The following SATB1 variants were observed in gnomAD, a reference collection of about 807,000 sequenced individuals.
The protein encoded by SATB1 is DNA-binding protein SATB1.
A neutral mutation model predicts 86.9 loss-of-function variants in SATB1; 11 were observed. That is an observed-to-expected ratio of 0.13 (90% confidence interval 0.08 to 0.21). The LOEUF is 0.21. SATB1 is among the 10% of genes least tolerant of loss of function. The pLI is 1.00. For synonymous variants in SATB1, 357 were observed against 357.2 expected (o/e 1.00, Z 0.01); for missense variants, 551 against 937.6 (o/e 0.59, Z 5.39).
chr3:18,413,714 C>CG (rs1697982606), intron 5 of SATB1, among the ~76,000 whole-genome samples: 1 of 151,940 alleles, frequency 6.6e-6, no homozygotes, highest in Non-Finnish European at 1.5e-5. Flanking sequence ...GTAGGTATAA[C>CG]TGAAATGACA....
At chr3:18,381,673 G>A (rs1270058669) in intron 8 of SATB1, among the ~76,000 whole-genome samples, 1 of 152,004 alleles carries the variant, frequency 6.6e-6, no homozygotes, top group Non-Finnish European at 1.5e-5. Flanking sequence ...GTGGCCCTTT[G>A]ATAAATCTAG....
chr3:18,415,860 A>T, intron 4 of SATB1, 147 bp downstream of exon 4: 1 of 571,862 alleles, frequency 1.7e-6, no homozygotes, highest in Non-Finnish European at 2.8e-6. Context: ...GAAAAAAGGC[A>T]GAAGGATAGG....
chr3:18,434,247 T>C (rs900675368), intron 2 of SATB1, among the ~76,000 whole-genome samples: 2 of 152,106 alleles, frequency 1.3e-5, no homozygotes, highest in Admixed American at 6.5e-5. Context: ...ACTAAAAATT[T>C]ACAACACTGC....
intron 9 of SATB1, among the ~76,000 whole-genome samples, chr3:18,366,375 A>G (rs906854498): frequency 6.6e-6 from 1 of 151,984 alleles, no homozygotes; most frequent in African/African-American, 2.4e-5. Context: ...GAGTATTCTC[A>G]CATTGCCCTG....
chr3:18,397,692 C>A (rs1043655473), intron 5 of SATB1, among the ~76,000 whole-genome samples: 4 of 152,178 alleles, frequency 2.6e-5, no homozygotes, highest in Non-Finnish European at 4.4e-5. Flanking sequence ...CTTTTCTACT[C>A]AAAGTATAGA....
chr3:18,435,443 T>C (rs944091748), intron 2 of SATB1, among the ~76,000 whole-genome samples: 2 of 152,192 alleles, frequency 1.3e-5, no homozygotes, highest in African/African-American at 4.8e-5. Flanking sequence ...CGGCTCCTTT[T>C]GTAATTCTCC....
chr3:18,366,064 T>G (rs1240894825), intron 9 of SATB1, among the ~76,000 whole-genome samples: 2 of 152,160 alleles, frequency 1.3e-5, no homozygotes, highest in Non-Finnish European at 2.9e-5. Context: ...TGCATTTCAT[T>G]TAAACAACCA....
chr3:18,385,009 A>C (rs1355603784), intron 8 of SATB1, among the ~76,000 whole-genome samples: 2 of 152,220 alleles, frequency 1.3e-5, no homozygotes, highest in African/African-American at 2.4e-5. Flanking sequence ...ATTTTGTGAC[A>C]TTTCTAAAAA....
intron 9 of SATB1, among the ~76,000 whole-genome samples, chr3:18,355,043 C>T (rs1380346338): frequency 6.6e-6 from 1 of 152,082 alleles, no homozygotes; most frequent in African/African-American, 2.4e-5. Flanking sequence ...AAGCATGTCT[C>T]CGCTAGCCTT....
chr3:18,387,777 C>T (rs948727112), intron 7 of SATB1, among the ~76,000 whole-genome samples: 2 of 152,042 alleles, frequency 1.3e-5, no homozygotes, highest in African/African-American at 4.8e-5. Flanking sequence ...CCTGCAGAAA[C>T]AGTTAAAGGT....
At chr3:18,440,826 A>T (rs1049033340), upstream of SATB1, among the ~76,000 whole-genome samples, 1 of 152,208 alleles carries the variant, frequency 6.6e-6, no homozygotes, top group African/African-American at 2.4e-5. Flanking sequence ...TTGAAAAGCA[A>T]GAGTAATGAC....
intron 5 of SATB1, among the ~76,000 whole-genome samples, chr3:18,414,152 T>C (rs1229668488): frequency 3.3e-5 from 5 of 152,124 alleles, no homozygotes; most frequent in Middle Eastern, 3.4e-3. Flanking sequence ...AAAGAAAACA[T>C]TAAAAATCTG....
intron 9 of SATB1, among the ~76,000 whole-genome samples, chr3:18,361,435 G>C (rs1694902121): frequency 6.6e-6 from 1 of 152,070 alleles, no homozygotes; most frequent in Non-Finnish European, 1.5e-5. Flanking sequence ...CAAGGGATTT[G>C]AATATCAAGG....
intron 8 of SATB1, among the ~76,000 whole-genome samples, chr3:18,380,448 T>TA (rs56786987): frequency 4.6e-5 from 7 of 152,200 alleles, no homozygotes; most frequent in Non-Finnish European, 8.8e-5. Flanking sequence ...TTTTTTTTTT[T>TA]ATTTTAAAGC....
intron 9 of SATB1, among the ~76,000 whole-genome samples, chr3:18,356,681 C>A (rs571889911): frequency 6.6e-6 from 1 of 151,892 alleles, no homozygotes; most frequent in Non-Finnish European, 1.5e-5. Flanking sequence ...TCCAACCAAA[C>A]TCAATCTCTG....
chr3:18,418,436 C>T (rs1698226761), intron 2 of SATB1, among the ~76,000 whole-genome samples: 1 of 152,122 alleles, frequency 6.6e-6, no homozygotes, highest in Admixed American at 6.6e-5. Context: ...TGACAAAACC[C>T]TTTAGGTTTA....
At chr3:18,367,161 A>G (rs1403131344) in intron 9 of SATB1, among the ~76,000 whole-genome samples, 6 of 152,218 alleles carry the variant, frequency 3.9e-5, no homozygotes, top group Non-Finnish European at 8.8e-5. Flanking sequence ...GCAGTTCCCA[A>G]TGTTTTCCAT....
chr3:18,372,649 CAAAAG>C (rs1482807578), intron 9 of SATB1, among the ~76,000 whole-genome samples: 1 of 152,022 alleles, frequency 6.6e-6, no homozygotes, highest in Non-Finnish European at 1.5e-5. Flanking sequence ...GCAAGAATCT[CAAAAG>C]AAGGCATATT....
chr3:18,399,066 T>A (rs1354819192), intron 5 of SATB1, among the ~76,000 whole-genome samples: 1 of 152,206 alleles, frequency 6.6e-6, no homozygotes, highest in African/African-American at 2.4e-5. Flanking sequence ...TTTAAAAAAA[T>A]TATTACTCTT....
Sources: allele counts gnomAD v4.1 joint callset (sites outside exome capture counted in the v4.1 genomes callset), GRCh38; gene constraint gnomAD v4.1.1; transcripts MANE v1.5; gene names NCBI Gene and HGNC (gene_info 2026-07-23, HGNC 2026-07-21).